Variants in SEMA3D observed in about 807,000 individuals in gnomAD.
SEMA3D encodes the protein semaphorin-3D.
Under a neutral mutation model 100.1 loss-of-function variants are expected in SEMA3D, and 84 were observed. The ratio of observed to expected loss-of-function variants is 0.84; its 90% CI spans 0.70 to 1.01. SEMA3D has a LOEUF of 1.01. SEMA3D is among the 50% of genes least tolerant of loss of function. The pLI is 0.00. For synonymous variants in SEMA3D, 312 were observed against 320.7 expected (o/e 0.97, Z 0.29); for missense variants, 875 against 934.1 (o/e 0.94, Z 0.82).
chr7:85,117,079 G>A (rs1395986294), intron 3 of SEMA3D, among the ~76,000 whole-genome samples: 2 of 151,998 alleles, frequency 1.3e-5, no homozygotes, highest in Non-Finnish European at 2.9e-5. Flanking sequence ...GAATACTCTG[G>A]AACTAATACC....
intron 1 of SEMA3D, among the ~76,000 whole-genome samples, chr7:85,159,514 T>C (rs764861494): frequency 2.6e-5 from 4 of 152,174 alleles, no homozygotes; most frequent in African/African-American, 7.2e-5. Flanking sequence ...ATGTGTACTC[T>C]GAAGGTGTTT....
In SEMA3D at chr7:85,096,013, G is replaced by A. The variant is rs571777578; in HGVS notation, c.312+1792C>T. On this transcript the variant is annotated intron_variant, in intron 4 of 18. Coordinates refer to ENST00000284136, the MANE Select transcript of SEMA3D (RefSeq NM_001384900.1). ...TTTTCTTCCAATCCCTGAAGGCAGA[G>A]AACAGAACAAGAACAAATTCCCTTA... is the stretch of plus-strand genomic sequence containing the variant. Among the ~76,000 whole-genome samples, 28 of 152,062 alleles carry A rather than the reference G, an allele frequency of 1.8e-4. No individual in the cohort carries two copies. The South Asian group carries it at 2.7e-3, about 15-fold the overall frequency.
intron 9 of SEMA3D, among the ~76,000 whole-genome samples, chr7:85,048,070 T>C (rs1398438215): frequency 6.6e-6 from 1 of 151,828 alleles, no homozygotes; most frequent in Admixed American, 6.6e-5. Flanking sequence ...ACCTATTCCA[T>C]TACCCAAACT....
chr7:85,247,857 A>G, the SEMA3D span, among the ~76,000 whole-genome samples: 2 of 152,146 alleles, frequency 1.3e-5, no homozygotes, highest in Non-Finnish European at 2.9e-5. Flanking sequence ...CAAGAAAATG[A>G]ATCTAGACAC....
At chr7:85,192,347 T>C in the SEMA3D span, among the ~76,000 whole-genome samples, 1 of 152,046 alleles carries the variant, frequency 6.6e-6, no homozygotes, top group South Asian at 2.1e-4. Flanking sequence ...TTCAACTCTA[T>C]AATAATAACT....
intron 4 of SEMA3D, among the ~76,000 whole-genome samples, chr7:85,086,604 T>C (rs1277103851): frequency 1.3e-5 from 2 of 151,326 alleles, no homozygotes; most frequent in African/African-American, 4.9e-5. Context: ...TTCATATTTT[T>C]CTAGTCTCTT....
At chr7:85,004,308 G>T (rs190944893) in intron 18 of SEMA3D, among the ~76,000 whole-genome samples, 1 of 151,970 alleles carries the variant, frequency 6.6e-6, no homozygotes, top group Non-Finnish European at 1.5e-5. Flanking sequence ...ATTGCTTTTA[G>T]AATAAAAAGA....
chr7:85,171,974 T>G (rs1562844102), intron 1 of SEMA3D, among the ~76,000 whole-genome samples: 1 of 151,324 alleles, frequency 6.6e-6, no homozygotes, highest in Non-Finnish European at 1.5e-5. Flanking sequence ...TGTGTGTGGG[T>G]GTGTGTGTGT....
intron 1 of SEMA3D, among the ~76,000 whole-genome samples, chr7:85,184,824 C>A (rs1791496821): frequency 6.6e-6 from 1 of 152,164 alleles, no homozygotes; most frequent in Non-Finnish European, 1.5e-5. Flanking sequence ...CATCACTTTG[C>A]GCCTGTCAGC....
chr7:84,999,056 C>T lies in SEMA3D; in HGVS notation c.*384G>A, dbSNP rs1789577059. On this transcript the variant is annotated 3_prime_UTR_variant, in exon 19 of 19. Coordinates refer to ENST00000284136, the MANE Select transcript of SEMA3D (RefSeq NM_001384900.1). ...TATATCTGTTCATAAGAACATAGCACAACTGCATGGTAAATTCCATGCTTA... is the reference window on the plus strand; with the variant it reads ...TATATCTGTTCATAAGAACATAGCATAACTGCATGGTAAATTCCATGCTTA... 4.7e-6 allele frequency: 1 copy of T among 210,624 alleles called. No homozygotes were observed. The highest frequency in any genetic ancestry group is 5.2e-5 in the Admixed American group (1 of 19,066). The allele number at this position is 210,624 out of a possible 1,614,324, so 13.0% of individuals were successfully genotyped here.
intron 11 of SEMA3D, 66 bp from the exon 12 acceptor site, chr7:85,037,099 A>T (rs1790721193): frequency 1.3e-6 from 2 of 1,503,296 alleles, no homozygotes; most frequent in African/African-American, 2.8e-5. Context: ...GACTGAGCAC[A>T]TACTATCAGC....
chr7:85,036,539 G>A (rs577675799), intron 12 of SEMA3D, among the ~76,000 whole-genome samples: 1 of 152,208 alleles, frequency 6.6e-6, no homozygotes, highest in South Asian at 2.1e-4. Context: ...TATCTGCAGA[G>A]CTGTATGTGA....
intron 3 of SEMA3D, among the ~76,000 whole-genome samples, chr7:85,118,280 A>G (rs1425750517): frequency 6.6e-6 from 1 of 152,174 alleles, no homozygotes; most frequent in Non-Finnish European, 1.5e-5. Context: ...ATTCTTGAAC[A>G]TATTTATGAT....
chr7:85,229,798 T>G, the SEMA3D span, among the ~76,000 whole-genome samples: 2 of 152,146 alleles, frequency 1.3e-5, no homozygotes, highest in Non-Finnish European at 2.9e-5. Flanking sequence ...CTGTTTTTCC[T>G]GTTCTTCATT....
chr7:85,063,318 T>G (rs1791527366), intron 8 of SEMA3D, among the ~76,000 whole-genome samples: 1 of 152,150 alleles, frequency 6.6e-6, no homozygotes, highest in Non-Finnish European at 1.5e-5. Context: ...CTGGGCAAAG[T>G]AGGTCATATT....
the SEMA3D span, among the ~76,000 whole-genome samples, chr7:85,226,431 T>C: frequency 6.6e-6 from 1 of 152,210 alleles, no homozygotes; most frequent in South Asian, 2.1e-4. Context: ...ATATATGCAT[T>C]CTTATTAAAT....
At chr7:85,157,906 A>C (rs751899638) in intron 1 of SEMA3D, among the ~76,000 whole-genome samples, 9 of 152,174 alleles carry the variant, frequency 5.9e-5, no homozygotes, top group Non-Finnish European at 1.2e-4. Context: ...TAATACTTTT[A>C]TAATTTCTTA....
At chr7:85,047,942 C>T (rs894883598) in intron 9 of SEMA3D, among the ~76,000 whole-genome samples, 9 of 151,650 alleles carry the variant, frequency 5.9e-5, no homozygotes, top group African/African-American at 2.2e-4. Flanking sequence ...CTTTGTGTGC[C>T]CCACTCCCTG....
chr7:85,195,144 G>A, the SEMA3D span, among the ~76,000 whole-genome samples: 2 of 152,034 alleles, frequency 1.3e-5, no homozygotes, highest in Non-Finnish European at 2.9e-5. Context: ...GATTTATCTT[G>A]TTTTCCCATT....
Sources: allele counts gnomAD v4.1 joint callset (sites outside exome capture counted in the v4.1 genomes callset), GRCh38; gene constraint gnomAD v4.1.1; transcripts MANE v1.5; gene names NCBI Gene and HGNC (gene_info 2026-07-23, HGNC 2026-07-21).